CSMD1: variants seen among roughly 807,000 people sequenced by gnomAD.
CSMD1 encodes CUB and Sushi multiple domains 1.
A neutral mutation model predicts 417.5 loss-of-function variants in CSMD1; 213 were observed. That is an observed-to-expected ratio of 0.51 (90% confidence interval 0.46 to 0.57). The LOEUF (loss-of-function observed/expected upper bound fraction) is 0.57. Among genes scored for constraint, CSMD1 ranks in the 20% least tolerant of loss-of-function variants. The pLI, the probability that CSMD1 is intolerant of heterozygous loss-of-function variation, is 0.00. For synonymous variants in CSMD1, 2,862 were observed against 1,736.8 expected, an observed-to-expected ratio of 1.65 and a Z score of -16.11; for missense variants, 6,923 against 4,529.7, an observed-to-expected ratio of 1.53 and a Z score of -15.17.
At chr8:4,148,900 T>C (rs569626101) in intron 3 of CSMD1, among the ~76,000 whole-genome samples, 4 of 152,140 alleles carry the variant, frequency 2.6e-5, no homozygotes, top group African/African-American at 9.7e-5. Flanking sequence ...ATTCCCAACA[T>C]AGTTCACCAT....
Position 3,219,379 on chromosome 8 carries a change from G to T in CSMD1, c.4548C>A (p.Pro1516=). ...HIYEGEDSNS[P]LIGSYQGSQA... The stretch of plus-strand genomic sequence containing the variant: ...GAGAGCCCTGGTAACTCCCAATGAG[G>T]GGGCTGTTGGAATCTTCCCCTTCAT... The change falls in exon 29 of 70, where the codon CCC becomes CCA. Residue 1516 remains proline (P), a synonymous_variant. Coordinates refer to ENST00000635120, the MANE Select transcript of CSMD1 (RefSeq NM_033225.6). The T allele has an allele frequency of 6.4e-7, 1 of 1,567,602 alleles. No homozygotes were observed. The highest frequency in any genetic ancestry group is 2.3e-5 in the East Asian group (1 of 43,004).
At chr8:3,658,053 C>A (rs79029703) in intron 7 of CSMD1, among the ~76,000 whole-genome samples, 5,314 of 152,222 alleles carry the variant, frequency 0.035, 330 homozygotes, top group African/African-American at 0.12. Context: ...CAGAGCATAA[C>A]AGCGTCAGCC....
At chr8:3,950,740 A>G (rs1424249970) in intron 5 of CSMD1, among the ~76,000 whole-genome samples, 2 of 126,088 alleles carry the variant, frequency 1.6e-5, no homozygotes, top group South Asian at 2.4e-4. Context: ...TGGGGTTTTC[A>G]ATCTTTTTTA....
chr8:4,655,639 G>C (rs974507863), intron 1 of CSMD1, among the ~76,000 whole-genome samples: 1 of 152,040 alleles, frequency 6.6e-6, no homozygotes, highest in Non-Finnish European at 1.5e-5. Context: ...AACATAGCAT[G>C]TAATCACCTT....
At chr8:4,418,869 A>G (rs565819893) in intron 3 of CSMD1, among the ~76,000 whole-genome samples, 3 of 152,274 alleles carry the variant, frequency 2.0e-5, no homozygotes, top group Admixed American at 2.0e-4. Flanking sequence ...CGGTGGCATG[A>G]AAGACATTAG....
chr8:3,002,573 G>C (rs1352010643), intron 52 of CSMD1, among the ~76,000 whole-genome samples: 1 of 152,152 alleles, frequency 6.6e-6, no homozygotes, highest in Admixed American at 6.5e-5. Flanking sequence ...TGTGAAAAGG[G>C]GTGCATTTTA....
intron 5 of CSMD1, among the ~76,000 whole-genome samples, chr8:3,812,393 G>A (rs1390834389): frequency 2.6e-5 from 4 of 152,098 alleles, no homozygotes; most frequent in African/African-American, 7.2e-5. Context: ...TAAATGCAGG[G>A]AAATTAAGGA....
At chr8:3,548,308 T>C (rs1245491576) in intron 10 of CSMD1, among the ~76,000 whole-genome samples, 1 of 152,142 alleles carries the variant, frequency 6.6e-6, no homozygotes, top group Non-Finnish European at 1.5e-5. Flanking sequence ...TATTTTTTAT[T>C]TCCATAGGTA....
chr8:3,934,539 A>G (rs796329669), intron 5 of CSMD1, among the ~76,000 whole-genome samples: 11 of 152,292 alleles, frequency 7.2e-5, no homozygotes, highest in South Asian at 6.2e-4. Context: ...TGCTGCCTTT[A>G]TCACTAACTA....
chr8:4,635,544 G>A (rs1802769816), intron 2 of CSMD1, among the ~76,000 whole-genome samples: 1 of 152,026 alleles, frequency 6.6e-6, no homozygotes, highest in Non-Finnish European at 1.5e-5. Context: ...TTTTAAGAGA[G>A]CATATTTTTA....
At chr8:3,545,864 G>A (rs749093611) in intron 10 of CSMD1, among the ~76,000 whole-genome samples, 48 of 152,332 alleles carry the variant, frequency 3.2e-4, no homozygotes, top group Non-Finnish European at 6.6e-4. Context: ...GCAAAGTCAA[G>A]CAGTTGGTGC....
At chr8:3,847,800 G>A (rs1803611107) in intron 5 of CSMD1, among the ~76,000 whole-genome samples, 4 of 152,256 alleles carry the variant, frequency 2.6e-5, no homozygotes, top group South Asian at 4.1e-4. Flanking sequence ...ATAGTTGGGT[G>A]CCAATAATTG....
At chr8:3,583,321 G>T (rs191145689) in intron 9 of CSMD1, among the ~76,000 whole-genome samples, 102 of 152,020 alleles carry the variant, frequency 6.7e-4, no homozygotes, top group Non-Finnish European at 1.4e-3. Context: ...GAACCGGGTT[G>T]TGGGTCAGAG....
intron 10 of CSMD1, among the ~76,000 whole-genome samples, chr8:3,519,673 C>A (rs1470929270): frequency 1.3e-5 from 2 of 152,148 alleles, no homozygotes; most frequent in Non-Finnish European, 2.9e-5. Context: ...GCATGCAGGC[C>A]ATGGCTGCTT....
intron 5 of CSMD1, among the ~76,000 whole-genome samples, chr8:3,932,935 T>C (rs1217714643): frequency 1.3e-5 from 2 of 150,452 alleles, no homozygotes; most frequent in Non-Finnish European, 3.0e-5. Context: ...ACTAAATCTT[T>C]TTTAAAAGTG....
chr8:3,770,024 A>T (rs1312025268), intron 5 of CSMD1, among the ~76,000 whole-genome samples: 2 of 152,102 alleles, frequency 1.3e-5, no homozygotes, highest in Non-Finnish European at 2.9e-5. Context: ...AGATCCGGCC[A>T]ATTTTCTACC....
rs570506944 is a variant in CSMD1, at chr8:3,325,063, A to G, written c.3632-16560T>C. 5.3e-5 allele frequency among the ~76,000 whole-genome samples: 8 copies of G among 152,330 alleles called. No individual in the cohort carries two copies. In the East Asian group the frequency reaches 1.5e-3, roughly 29 times the overall value. ...ATTTGTGGAGCAGAGAAAAATAACA[A>G]TTTTGAATCTGAATCGATTTTAGAA... On this transcript the variant is annotated intron_variant, in intron 23 of 69. Coordinates refer to ENST00000635120, the MANE Select transcript of CSMD1 (RefSeq NM_033225.6).
At chr8:4,093,644 G>T (rs192758350) in intron 3 of CSMD1, among the ~76,000 whole-genome samples, 12 of 152,212 alleles carry the variant, frequency 7.9e-5, no homozygotes, top group East Asian at 7.7e-4. Context: ...TGATTGAGAG[G>T]AGAAAGTGAA....
At chr8:4,526,591 C>T (rs559482155) in intron 2 of CSMD1, among the ~76,000 whole-genome samples, 1 of 152,336 alleles carries the variant, frequency 6.6e-6, no homozygotes, top group South Asian at 2.1e-4. Flanking sequence ...TTGGTAAACA[C>T]TGATCATGTC....
Sources: gnomAD v4.1 joint callset for allele counts (sites outside exome capture counted in the v4.1 genomes callset) on GRCh38, gnomAD v4.1.1 for gene constraint, MANE v1.5 for transcripts, NCBI Gene and HGNC (gene_info 2026-07-23, HGNC 2026-07-21) for gene names.